SCP2: variants seen among roughly 807,000 people sequenced by gnomAD.
SCP2 encodes SCP-2/3-oxoacyl-CoA thiolase.
SCP2 carries 48 observed loss-of-function variants against 71.4 expected under a neutral mutation model. That is an observed-to-expected ratio of 0.67 (90% CI 0.53 to 0.86). The LOEUF (loss-of-function observed/expected upper bound fraction) is 0.86. SCP2 is among the 40% of genes least tolerant of loss of function. The probability of loss-of-function intolerance (pLI) is 0.00; values close to 1 mark genes in which losing one functional copy is unlikely to be tolerated. For synonymous variants in SCP2, 220 were observed against 218.1 expected (o/e 1.01, Z -0.08); for missense variants, 560 against 655.6 (o/e 0.85, Z 1.59).
Position 52,928,065 on chromosome 1 carries a change from C to G in SCP2, c.69+600C>G, listed in dbSNP as rs189728319. Among the ~76,000 whole-genome samples, 184 of 152,348 alleles carry G rather than the reference C, an allele frequency of 1.2e-3. 1 individual carries two copies. The highest frequency in any genetic ancestry group is 4.0e-3 in the African/African-American group (167 of 41,584). On this transcript the variant is annotated intron_variant, in intron 1 of 15. Transcript: ENST00000371514. ...GTCTGATGCCTCTGTTGCTTTGCTT[C>G]TGTTCTGTTTGTACCGTGTATCTTC...
At chr1:53,035,082 G>T (rs1662828146) in intron 13 of SCP2, among the ~76,000 whole-genome samples, 1 of 151,638 alleles carries the variant, frequency 6.6e-6, no homozygotes, top group South Asian at 2.1e-4. Context: ...TCCCAGCCTG[G>T]GTGACAGAGT....
At chr1:52,935,937 TG>T (rs953036985) in intron 1 of SCP2, among the ~76,000 whole-genome samples, 2 of 151,404 alleles carry the variant, frequency 1.3e-5, no homozygotes, top group African/African-American at 4.9e-5. Context: ...GAACCTGTCT[TG>T]AAAAAAAAAA....
chr1:52,996,599 T>C (rs1659952420), intron 11 of SCP2, among the ~76,000 whole-genome samples: 1 of 152,224 alleles, frequency 6.6e-6, no homozygotes, highest in Admixed American at 6.5e-5. Context: ...CTCTGCCCTT[T>C]GGAGAGGTCT....
At chr1:52,942,155 G>A (rs1268709223) in intron 2 of SCP2, among the ~76,000 whole-genome samples, 1 of 152,212 alleles carries the variant, frequency 6.6e-6, no homozygotes, top group African/African-American at 2.4e-5. Flanking sequence ...ATTCTAGTGT[G>A]TGTTAACTTC....
At chr1:52,935,577 G>A (rs1171637631) in intron 1 of SCP2, among the ~76,000 whole-genome samples, 6 of 132,222 alleles carry the variant, frequency 4.5e-5, no homozygotes, top group Non-Finnish European at 6.3e-5. Context: ...GCCACAGTGC[G>A]AGACTCAGTC....
At chr1:53,015,480 C>T (rs956819448) in intron 12 of SCP2, among the ~76,000 whole-genome samples, 3 of 152,160 alleles carry the variant, frequency 2.0e-5, no homozygotes, top group Non-Finnish European at 4.4e-5. Context: ...TGACTTTCTT[C>T]CTCTCCTTCA....
chr1:52,929,060 A>G (rs1445590897), intron 1 of SCP2, among the ~76,000 whole-genome samples: 2 of 152,032 alleles, frequency 1.3e-5, no homozygotes, highest in African/African-American at 4.8e-5. Context: ...TCCAGAGGAA[A>G]GTGGTGAGGA....
At chr1:52,963,655 C>T (rs1371361669) in intron 6 of SCP2, 1 of 152,154 alleles carries the variant, frequency 6.6e-6, no homozygotes, top group Non-Finnish European at 1.5e-5. Flanking sequence ...ATAGTAGCTG[C>T]TCTTTGTTGC....
chr1:52,976,848 G>C, intron 8 of SCP2, 79 bp downstream of exon 8: 1 of 802,814 alleles, frequency 1.2e-6, no homozygotes, highest in Non-Finnish European at 2.2e-6. Context: ...TTAAACCTTA[G>C]GCTCTGCATC....
intron 9 of SCP2, among the ~76,000 whole-genome samples, chr1:52,979,094 T>C (rs577257394): frequency 7.6e-4 from 116 of 152,306 alleles, no homozygotes; most frequent in African/African-American, 2.7e-3. Flanking sequence ...AAGATCACAG[T>C]TAGGTTGTGG....
intron 2 of SCP2, among the ~76,000 whole-genome samples, chr1:52,942,235 A>G (rs1654322316): frequency 6.6e-6 from 1 of 152,162 alleles, no homozygotes; most frequent in South Asian, 2.1e-4. Context: ...TGTATTAAAT[A>G]CCTGTATGGT....
intron 13 of SCP2, among the ~76,000 whole-genome samples, chr1:53,034,335 G>A (rs1282340569): frequency 1.3e-5 from 2 of 151,830 alleles, no homozygotes; most frequent in African/African-American, 4.8e-5. Context: ...CCTTGAAAAC[G>A]TCATGCTTAA....
chr1:53,007,534 A>C (rs1288362987), intron 11 of SCP2, among the ~76,000 whole-genome samples: 5 of 152,236 alleles, frequency 3.3e-5, no homozygotes, highest in Non-Finnish European at 7.3e-5. Flanking sequence ...ACTACTGGGT[A>C]CATAATGAAA....
chr1:52,960,712 A>ATGTGTGTGTG (rs1232835088), intron 5 of SCP2, among the ~76,000 whole-genome samples: 6 of 136,366 alleles, frequency 4.4e-5, no homozygotes, highest in African/African-American at 1.7e-4. Flanking sequence ...TGTATATATT[A>ATGTGTGTGTG]TGTGCGTGTG....
chr1:53,002,160 C>T (rs6691806), intron 11 of SCP2, among the ~76,000 whole-genome samples: 1 of 148,902 alleles, frequency 6.7e-6, no homozygotes, highest in Non-Finnish European at 1.5e-5. Flanking sequence ...GCACTCCAGC[C>T]TGGGTGACAG....
rs199835815 is a variant in SCP2 at position 52,950,869 on chromosome 1, G to A, written c.314G>A (p.Arg105His). 1.9e-5 allele frequency: 31 copies of A among 1,613,942 alleles called. No individual in the cohort carries two copies. The highest frequency in any genetic ancestry group is 1.9e-4 in the South Asian group (17 of 91,060). The change falls in exon 4 of 16, where the codon CGC (arginine) becomes CAC (histidine). Residue 105 changes from arginine to histidine, a missense_variant. Transcript: ENST00000371514. ...GGTTCTACTGCTTTGTTTATGGCCC[G>A]CCAGCTGATTCAGGGTGGTAAGGAG... ...ATGSTALFMA[R>H]QLIQGGVAEC...
intron 12 of SCP2, among the ~76,000 whole-genome samples, chr1:53,021,216 C>T (rs1357836251): frequency 6.6e-6 from 1 of 151,902 alleles, no homozygotes; most frequent in Non-Finnish European, 1.5e-5. Flanking sequence ...ACCATGTCGC[C>T]CAGGTTGGTC....
At position 53,050,758 on chromosome 1, in the gene SCP2, C is replaced by CT; in HGVS notation, c.*54_*55insT. 47 of 1,170,304 alleles carry CT rather than the reference C, an allele frequency of 4.0e-5. No individual in the cohort carries two copies. The highest frequency in any genetic ancestry group is 5.4e-5 in the Non-Finnish European group (42 of 778,960). 72.5% of individuals were successfully genotyped at this position (1,170,304 alleles called of 1,614,324 possible). A position where few individuals can be genotyped will look rare whatever the true frequency, so the allele number is the denominator to read the frequency against. ...CAAGATGAGATATATAGATATATAT[C>CT]CATACATTTTATTGTCAGAATTTAG... On this transcript the variant is annotated 3_prime_UTR_variant, in exon 16 of 16. Transcript: ENST00000371514.
intron 11 of SCP2, among the ~76,000 whole-genome samples, chr1:52,998,574 T>G (rs961311489): frequency 1.3e-5 from 2 of 151,876 alleles, no homozygotes; most frequent in Admixed American, 1.3e-4. Context: ...CTACAAAAAA[T>G]ACAAAAATTA....
Sources: gnomAD v4.1 joint callset for allele counts (sites outside exome capture counted in the v4.1 genomes callset) on GRCh38, gnomAD v4.1.1 for gene constraint, MANE v1.5 for transcripts, NCBI Gene and HGNC (gene_info 2026-07-23, HGNC 2026-07-21) for gene names.